Variants in MYRIP observed in about 807,000 individuals in gnomAD.
The protein encoded by MYRIP is rab effector MyRIP.
MYRIP carries 49 observed loss-of-function variants against 98.0 expected under a neutral mutation model. The observed-to-expected ratio is 0.50, with a 90% CI of 0.40 to 0.63. The LOEUF (loss-of-function observed/expected upper bound fraction) is 0.63, where lower values mean the gene tolerates loss of function less well. MYRIP is among the 30% of genes least tolerant of loss of function. The pLI is 0.00. For synonymous variants in MYRIP, 404 were observed against 409.5 expected (o/e 0.99, Z 0.16); for missense variants, 1,004 against 1,058.2 (o/e 0.95, Z 0.71).
chr3:39,948,166 G>C (rs1035929608), intron 2 of MYRIP, among the ~76,000 whole-genome samples: 1 of 152,138 alleles, frequency 6.6e-6, no homozygotes, highest in Non-Finnish European at 1.5e-5. Context: ...TAAACCACCA[G>C]TCAGAACAAC....
At chr3:40,054,981 C>T (rs1947855847) in intron 3 of MYRIP, among the ~76,000 whole-genome samples, 1 of 152,100 alleles carries the variant, frequency 6.6e-6, no homozygotes, top group Non-Finnish European at 1.5e-5. Context: ...GGCCTTGGAG[C>T]AATTAGGGTA....
intron 2 of MYRIP, among the ~76,000 whole-genome samples, chr3:39,922,940 A>G (rs1013789762): frequency 1.3e-5 from 2 of 150,974 alleles, no homozygotes; most frequent in African/African-American, 4.9e-5. Context: ...ATATATTTCA[A>G]TGAGCAATTT....
intron 3 of MYRIP, among the ~76,000 whole-genome samples, chr3:40,057,860 T>G (rs1947915155): frequency 6.6e-6 from 1 of 152,170 alleles, no homozygotes; most frequent in African/African-American, 2.4e-5. Flanking sequence ...GATTAGCCAC[T>G]TATTTGCTGG....
intron 2 of MYRIP, among the ~76,000 whole-genome samples, chr3:39,940,791 A>G (rs1455535083): frequency 6.6e-6 from 1 of 152,184 alleles, no homozygotes; most frequent in Non-Finnish European, 1.5e-5. Flanking sequence ...TAATTTCTTT[A>G]AAAATGCTTT....
rs1942724198 is a variant in MYRIP, at chr3:39,869,582, C to T, written c.-30-31205C>T. On this transcript the variant is annotated intron_variant, in intron 1 of 16. Transcript: ENST00000302541. ...GGGAGTAGAGAGCCTAGAGTTCAAA[C>T]TCAACCTGGATTGAAGTCCCCTTCT... 3.9e-5 allele frequency among the ~76,000 whole-genome samples: 6 copies of T among 152,160 alleles called. No homozygotes were observed. In the South Asian group the frequency reaches 1.2e-3, roughly 32 times the overall value.
chr3:39,849,413 C>A (rs931828591), intron 1 of MYRIP, among the ~76,000 whole-genome samples: 1 of 152,168 alleles, frequency 6.6e-6, no homozygotes, highest in African/African-American at 2.4e-5. Context: ...TAGTTTTAAC[C>A]ATCCAATGGA....
At chr3:40,023,532 C>G (rs1336700969) in intron 2 of MYRIP, among the ~76,000 whole-genome samples, 5 of 152,160 alleles carry the variant, frequency 3.3e-5, no homozygotes, top group Non-Finnish European at 7.3e-5. Flanking sequence ...GCCACTCTTA[C>G]TACTGATGGG....
At chr3:40,141,896 T>A (rs899691864) in intron 3 of MYRIP, among the ~76,000 whole-genome samples, 4 of 152,168 alleles carry the variant, frequency 2.6e-5, no homozygotes, top group Non-Finnish European at 5.9e-5. Context: ...CTAGCTTTGT[T>A]CTTTTTGATC....
intron 1 of MYRIP, among the ~76,000 whole-genome samples, chr3:39,847,495 G>GT (rs1471350908): frequency 6.6e-6 from 1 of 152,100 alleles, no homozygotes; most frequent in Admixed American, 6.6e-5. Context: ...AGTCATAGCT[G>GT]GTACTCATAA....
chr3:39,890,619 G>C (rs899938379), intron 1 of MYRIP, among the ~76,000 whole-genome samples: 2 of 147,948 alleles, frequency 1.4e-5, no homozygotes, highest in Non-Finnish European at 3.0e-5. Context: ...GGTAGGGGCT[G>C]TGGTCCAGGT....
intron 11 of MYRIP, among the ~76,000 whole-genome samples, chr3:40,218,620 A>ATATATATATATATTT (rs1559460433): frequency 1.5e-4 from 2 of 13,366 alleles, no homozygotes; most frequent in African/African-American, 2.6e-4. Context: ...TTTTATATAT[A>ATATATATATATATTT]TATATATATA....
intron 3 of MYRIP, among the ~76,000 whole-genome samples, chr3:40,103,827 A>C (rs984729418): frequency 2.0e-5 from 3 of 152,192 alleles, no homozygotes; most frequent in Admixed American, 2.0e-4. Flanking sequence ...ACCAAGAAGA[A>C]AATTTTGATA....
intron 1 of MYRIP, among the ~76,000 whole-genome samples, chr3:39,872,272 T>C (rs1942818211): frequency 6.6e-6 from 1 of 151,902 alleles, no homozygotes; most frequent in Non-Finnish European, 1.5e-5. Context: ...TCTTTCTTTC[T>C]TTTTTTTAAA....
chr3:40,131,919 C>G (rs1949652965), intron 3 of MYRIP, among the ~76,000 whole-genome samples: 1 of 151,714 alleles, frequency 6.6e-6, no homozygotes, highest in Non-Finnish European at 1.5e-5. Context: ...CTTCTTCTAC[C>G]TTGTGAGAAG....
chr3:40,038,257 T>A (rs971113674), intron 2 of MYRIP, among the ~76,000 whole-genome samples: 2 of 152,160 alleles, frequency 1.3e-5, no homozygotes, highest in African/African-American at 4.8e-5. Context: ...ACAAAAATGA[T>A]GTGTTGAGAG....
intron 3 of MYRIP, among the ~76,000 whole-genome samples, chr3:40,142,808 T>C (rs1180537875): frequency 1.3e-5 from 2 of 152,174 alleles, no homozygotes; most frequent in Non-Finnish European, 2.9e-5. Context: ...CATGGACAGC[T>C]CTGGACAGTT....
At position 39,996,228 on chromosome 3, in the gene MYRIP, A is replaced by G. The variant is rs1031395899; in HGVS notation, c.111-47822A>G. On this transcript the variant is annotated intron_variant, in intron 2 of 16. Coordinates refer to ENST00000302541, the MANE Select transcript of MYRIP (RefSeq NM_015460.4). ...GGACTAAATCCTCCAATTAAAAGACACAGACTGGCAAATTGGATAAAGAGT... is the reference window on the plus strand; with the variant it reads ...GGACTAAATCCTCCAATTAAAAGACGCAGACTGGCAAATTGGATAAAGAGT... Among the ~76,000 whole-genome samples, 20 of 152,206 alleles carry G rather than the reference A, an allele frequency of 1.3e-4. 1 individual carries two copies. The highest frequency in any genetic ancestry group is 1.2e-3 in the Admixed American group (19 of 15,284).
At chr3:40,072,215 A>G (rs1342959621) in intron 3 of MYRIP, among the ~76,000 whole-genome samples, 1 of 151,640 alleles carries the variant, frequency 6.6e-6, no homozygotes, top group African/African-American at 2.4e-5. Context: ...TTTATTTTTT[A>G]TTTATTTTTT....
intron 2 of MYRIP, among the ~76,000 whole-genome samples, chr3:40,034,043 T>C (rs1346706568): frequency 1.3e-5 from 2 of 152,020 alleles, no homozygotes; most frequent in Non-Finnish European, 2.9e-5. Context: ...AACTGGATCC[T>C]TTCCTTACAC....
Sources: allele counts gnomAD v4.1 joint callset (sites outside exome capture counted in the v4.1 genomes callset), GRCh38; gene constraint gnomAD v4.1.1; transcripts MANE v1.5; gene names NCBI Gene and HGNC (gene_info 2026-07-23, HGNC 2026-07-21).